CRACD: variants seen among roughly 807,000 people sequenced by gnomAD.
CRACD encodes capping protein-inhibiting regulator of actin dynamics.
In CRACD, 56 loss-of-function variants were observed where a neutral mutation model predicts 106.8. That is an observed-to-expected ratio of 0.52 (90% confidence interval 0.42 to 0.66). The LOEUF (loss-of-function observed/expected upper bound fraction) is 0.66. Ranked by LOEUF, CRACD falls within the 30% of genes least tolerant of loss-of-function variation. The pLI, the probability that CRACD is intolerant of heterozygous loss-of-function variation, is 0.00. For missense variants in CRACD, 1,730 were observed against 1,623.2 expected (o/e 1.07, Z -1.13); for synonymous variants, 754 against 670.8 (o/e 1.12, Z -1.92).
chr4:56,324,065 T>C, intron 9 of CRACD, 39 bp from the exon 10 acceptor site: 1 of 1,573,108 alleles, frequency 6.4e-7, no homozygotes, highest in Non-Finnish European at 8.6e-7. Flanking sequence ...ATGTCTTAGG[T>C]TGAAAACATG....
rs941888807 is a variant in CRACD, at chr4:56,314,416, G to C, written c.914G>C (p.Arg305Pro). ...LEAPGWEDAE[R>P]REREERERLE... ...GCGCCAGGTTGGGAGGACGCGGAGC[G>C]GAGGGAGCGTGAGGAGCGCGAGCGC... The change falls in exon 8 of 11, where the codon CGG becomes CCG. Residue 305 changes from arginine to proline, a missense_variant. Physicochemically the swap from Arg to Pro is moderately radical, Grantham distance 103 (BLOSUM62 -2). Transcript: ENST00000682029. This position sits in a 1 kb window ranked among gnomAD's most constrained non-coding sequence, Gnocchi z 4.4. 1.0e-4 allele frequency: 159 copies of C among 1,544,988 alleles called. No individual in the cohort carries two copies. Among genetic ancestry groups the C allele is most frequent in the Non-Finnish European group, 1.3e-4 (152 of 1,144,772 alleles).
chr4:56,187,819 C>T (rs1399428273), intron 2 of CRACD, among the ~76,000 whole-genome samples: 1 of 152,054 alleles, frequency 6.6e-6, no homozygotes, highest in African/African-American at 2.4e-5. Context: ...AAAGAACAAA[C>T]AGCAAGACAG....
intron 2 of CRACD, among the ~76,000 whole-genome samples, chr4:56,253,876 T>C (rs1465053141): frequency 6.6e-6 from 1 of 152,118 alleles, no homozygotes; most frequent in African/African-American, 2.4e-5. Context: ...TTTCCAACCA[T>C]AAAAGGACAG....
At chr4:56,101,553 A>T (rs866051136) in intron 1 of CRACD, among the ~76,000 whole-genome samples, 21 of 152,280 alleles carry the variant, frequency 1.4e-4, no homozygotes, top group African/African-American at 3.4e-4. Flanking sequence ...ACCTGAGGTC[A>T]GGAGTTTGAC....
chr4:56,215,020 CAA>C (rs370756484), intron 2 of CRACD, among the ~76,000 whole-genome samples: 6,844 of 151,702 alleles, frequency 0.045, 172 homozygotes, highest in African/African-American at 0.049. Context: ...AACAAACAAA[CAA>C]AAAAAGAGAC....
At chr4:56,162,211 T>A (rs1181623923) in intron 1 of CRACD, among the ~76,000 whole-genome samples, 2 of 151,842 alleles carry the variant, frequency 1.3e-5, no homozygotes, top group Non-Finnish European at 2.9e-5. Context: ...TATTTTTTTT[T>A]AGAAACAGGG....
chr4:56,194,323 A>G (rs1257791326), intron 2 of CRACD, among the ~76,000 whole-genome samples: 4 of 152,214 alleles, frequency 2.6e-5, no homozygotes, highest in African/African-American at 4.8e-5. Context: ...AAAATACCCA[A>G]TTCTCTAGGG....
intron 3 of CRACD, among the ~76,000 whole-genome samples, chr4:56,277,044 G>A (rs918033642): frequency 3.3e-5 from 5 of 152,162 alleles, no homozygotes; most frequent in African/African-American, 1.2e-4. Context: ...GTAGCTGAGA[G>A]GGAAGGCATG....
chr4:56,148,263 G>C lies in CRACD; in HGVS notation c.-335-31021G>C, dbSNP rs372493693. Among the ~76,000 whole-genome samples the C allele has an allele frequency of 0.011, 1,481 of 133,962 alleles. 51 individuals are homozygous for C. In the East Asian group the frequency reaches 0.13, roughly 12 times the overall value. 87.9% of individuals were successfully genotyped at this position (133,962 alleles called of 152,430 possible). A position where few individuals can be genotyped will look rare whatever the true frequency, so the allele number is the denominator to read the frequency against. On this transcript the variant is annotated intron_variant, in intron 1 of 10. Transcript: ENST00000682029. ...TGGATATGAAGTGGTACCTCATTGT[G>C]CTTTTGTTGTTTTTTTTTTAAAAAA...
At chr4:56,237,034 C>T (rs1218432930) in intron 2 of CRACD, among the ~76,000 whole-genome samples, 4 of 152,064 alleles carry the variant, frequency 2.6e-5, no homozygotes, top group African/African-American at 9.7e-5. Context: ...CAATCCCATC[C>T]TTTGGAATTT....
At chr4:56,240,565 C>T (rs190730144) in intron 2 of CRACD, among the ~76,000 whole-genome samples, 1 of 152,236 alleles carries the variant, frequency 6.6e-6, no homozygotes, top group East Asian at 1.9e-4. Context: ...AGTGCAGTAG[C>T]GTGATCACAA....
chr4:56,156,428 T>TGACCAGGACAGGCTCTGGGC (rs1178445900), intron 1 of CRACD, among the ~76,000 whole-genome samples: 1 of 152,242 alleles, frequency 6.6e-6, no homozygotes, highest in African/African-American at 2.4e-5. Context: ...GCCAACCGTG[T>TGACCAGGACAGGCTCTGGGC]GACCAGGACA....
chr4:56,245,958 T>C (rs1560500288), intron 2 of CRACD, among the ~76,000 whole-genome samples: 1 of 152,244 alleles, frequency 6.6e-6, no homozygotes, highest in Non-Finnish European at 1.5e-5. Flanking sequence ...GACTATGTTA[T>C]GTACCGTGTG....
chr4:56,330,187 A>C lies in CRACD; in HGVS notation c.*2383A>C, dbSNP rs1488975860. On this transcript the variant is annotated 3_prime_UTR_variant, in exon 11 of 11. Coordinates refer to ENST00000682029, the MANE Select transcript of CRACD (RefSeq NM_001393381.1). ...AATGAATGATCACTATGTTAAATGCAAACTTTTTTTTTTTTTTATTTAAAC... is the reference window on the plus strand; with the variant it reads ...AATGAATGATCACTATGTTAAATGCCAACTTTTTTTTTTTTTTATTTAAAC... 2.0e-5 allele frequency among the ~76,000 whole-genome samples: 2 copies of C among 101,162 alleles called. No individual in the cohort carries two copies. Among genetic ancestry groups the C allele is most frequent in the African/African-American group, 6.8e-5 (2 of 29,246 alleles). The allele number at this position is 101,162 out of a possible 152,430, so 66.4% of individuals were successfully genotyped here.
At chr4:56,176,064 C>T (rs1028378057) in intron 1 of CRACD, among the ~76,000 whole-genome samples, 2 of 151,974 alleles carry the variant, frequency 1.3e-5, no homozygotes, top group African/African-American at 4.8e-5. Flanking sequence ...TTCTTGGTGC[C>T]TTTGTTGAAA....
chr4:56,249,164 C>T (rs1205481803), intron 2 of CRACD, among the ~76,000 whole-genome samples: 31 of 149,922 alleles, frequency 2.1e-4, no homozygotes, highest in East Asian at 1.2e-3. Flanking sequence ...ACTTCCACAA[C>T]GGTTGAACTA....
intron 3 of CRACD, chr4:56,297,945 GC>G (rs1309327384): frequency 4.2e-6 from 1 of 237,366 alleles, no homozygotes; most frequent in African/African-American, 2.2e-5. Flanking sequence ...GTTCTGCAGT[GC>G]CTTCTGTCTT....
chr4:56,234,018 A>G (rs750319918), intron 2 of CRACD, among the ~76,000 whole-genome samples: 17 of 152,006 alleles, frequency 1.1e-4, no homozygotes, highest in Non-Finnish European at 2.2e-4. Flanking sequence ...GTTGATTTTT[A>G]TATATTGATG....
chr4:56,213,001 G>A (rs762390224), intron 2 of CRACD, among the ~76,000 whole-genome samples: 57 of 147,370 alleles, frequency 3.9e-4, no homozygotes, highest in Middle Eastern at 3.4e-3. Context: ...AGAGCTTACC[G>A]TGCCCCAGTT....
Sources: allele counts gnomAD v4.1 joint callset (sites outside exome capture counted in the v4.1 genomes callset), GRCh38; gene constraint gnomAD v4.1.1; non-coding constraint Gnocchi (gnomAD v3.1); transcripts MANE v1.5; gene names NCBI Gene and HGNC (gene_info 2026-07-23, HGNC 2026-07-21).